The following LOXL2 variants were observed in gnomAD, a reference collection of about 807,000 sequenced individuals.
LOXL2 encodes the protein lysyl oxidase like 2.
Under a neutral mutation model 93.0 loss-of-function variants are expected in LOXL2, and 70 were observed. The ratio of observed to expected loss-of-function variants is 0.75; its 90% CI spans 0.62 to 0.92. LOXL2 has a LOEUF of 0.92. Ranked by LOEUF, LOXL2 falls within the 40% of genes least tolerant of loss-of-function variation. The pLI is 0.00. For missense variants in LOXL2, 973 were observed against 1,054.9 expected (o/e 0.92, Z 1.08); for synonymous variants, 438 against 413.2 (o/e 1.06, Z -0.73).
intron 1 of LOXL2, among the ~76,000 whole-genome samples, chr8:23,383,646 GTTTTTTTTTTGTTTTTTTTTT>G (rs1804711150): frequency 2.5e-5 from 3 of 117,656 alleles, no homozygotes; most frequent in Admixed American, 8.7e-5. Context: ...GCACTTTTAC[GTTTTTTTTTTGTTTTTTTTTT>G]TTTTTTTTTT....
chr8:23,365,208 A>T (rs1400709412), intron 2 of LOXL2: 2 of 152,388 alleles, frequency 1.3e-5, no homozygotes, highest in Admixed American at 6.5e-5. Flanking sequence ...CTGGAGGGGC[A>T]GTCTTATCCA....
chr8:23,354,949 ATTTTT>A lies in LOXL2; in HGVS notation c.531+5136_531+5140del, dbSNP rs60819350. 1.6e-3 allele frequency among the ~76,000 whole-genome samples: 123 copies of A among 77,664 alleles called. 1 individual carries two copies. Among genetic ancestry groups the A allele is most frequent in the African/African-American group, 4.9e-3 (93 of 18,988 alleles). The allele number at this position is 77,664 out of a possible 152,430, so 51.0% of individuals were successfully genotyped here. On this transcript the variant is annotated intron_variant, in intron 3 of 13. Coordinates refer to ENST00000389131, the MANE Select transcript of LOXL2 (RefSeq NM_002318.3). Reference sequence around the variant, plus strand: ...GGAGTTGGAATATATATATATATATATTTTTTTTTTTTTTTTTTTTTTTTTTTTGA... The same window carrying A: ...GGAGTTGGAATATATATATATATATATTTTTTTTTTTTTTTTTTTTTTTGA...
chr8:23,316,259 C>T (rs767976662), intron 9 of LOXL2, among the ~76,000 whole-genome samples: 17 of 152,220 alleles, frequency 1.1e-4, no homozygotes, highest in South Asian at 2.1e-4. Flanking sequence ...GAGGCTGACA[C>T]GCTTTTCCAA....
intron 1 of LOXL2, among the ~76,000 whole-genome samples, chr8:23,376,805 T>C (rs1365466065): frequency 6.6e-6 from 1 of 152,252 alleles, no homozygotes; most frequent in African/African-American, 2.4e-5. Flanking sequence ...TCATTTTTTA[T>C]TGCATTTGTT....
intron 10 of LOXL2, among the ~76,000 whole-genome samples, chr8:23,307,385 C>T (rs1303162499): frequency 6.6e-6 from 1 of 152,150 alleles, no homozygotes; most frequent in Non-Finnish European, 1.5e-5. Flanking sequence ...CCTTCCTTCC[C>T]TCCCATCCCC....
intron 12 of LOXL2, among the ~76,000 whole-genome samples, chr8:23,300,331 A>G (rs11990784): frequency 0.097 from 14,831 of 152,260 alleles, 1,230 homozygotes; most frequent in East Asian, 0.36. Flanking sequence ...AGGTTTCTGT[A>G]TGTCTGTGAA....
intron 1 of LOXL2, among the ~76,000 whole-genome samples, chr8:23,392,711 C>A (rs570457418): frequency 6.6e-6 from 1 of 152,124 alleles, no homozygotes; most frequent in African/African-American, 2.4e-5. Flanking sequence ...TGCTTTTACA[C>A]CCCCCTGCCC....
At chr8:23,336,969 C>T (rs942216732) in intron 4 of LOXL2, 1 of 152,196 alleles carries the variant, frequency 6.6e-6, no homozygotes, top group Non-Finnish European at 1.5e-5. Context: ...AGCTTCCAGT[C>T]TGATAAAACT....
At chr8:23,359,633 C>T (rs1804256545) in intron 3 of LOXL2, among the ~76,000 whole-genome samples, 1 of 152,220 alleles carries the variant, frequency 6.6e-6, no homozygotes, top group African/African-American at 2.4e-5. Flanking sequence ...ATTCCTGACT[C>T]TCACAAACTG....
intron 4 of LOXL2, among the ~76,000 whole-genome samples, chr8:23,339,638 G>A (rs1803848395): frequency 1.3e-5 from 2 of 152,210 alleles, no homozygotes; most frequent in South Asian, 4.1e-4. Flanking sequence ...AAGCCTGCCA[G>A]GGAGGGGGTT....
intron 13 of LOXL2, 45 bp downstream of exon 13, chr8:23,298,791 G>A (rs1227567894): frequency 8.1e-7 from 1 of 1,241,320 alleles, no homozygotes; most frequent in Non-Finnish European, 1.2e-6. Flanking sequence ...GAGAAAGTAG[G>A]GCAGCTCCCG....
chr8:23,338,175 G>A (rs1441899469), intron 4 of LOXL2, among the ~76,000 whole-genome samples: 2 of 152,214 alleles, frequency 1.3e-5, no homozygotes, highest in Non-Finnish European at 2.9e-5. Flanking sequence ...AGAACAGCAT[G>A]GGAAAAACCC....
Position 23,298,156 on chromosome 8 carries a change from A to G in LOXL2, c.2246-34T>C, listed in dbSNP as rs749613876. On this transcript the variant is annotated intron_variant, in intron 13 of 13. Transcript: ENST00000389131. ...CGAGAATCGGGTAGAGAGAGTGGAC[A>G]AATGAGATGCTCGGGCCTTGCCTGA... The G allele has an allele frequency of 1.4e-5, 22 of 1,548,226 alleles. No homozygotes were observed. The African/African-American group carries it at 2.9e-4, about 20-fold the overall frequency.
intron 3 of LOXL2, among the ~76,000 whole-genome samples, chr8:23,350,055 C>T (rs1046547575): frequency 1.3e-5 from 2 of 152,128 alleles, no homozygotes; most frequent in Non-Finnish European, 2.9e-5. Flanking sequence ...GTCCAGGCAT[C>T]CTTTTGTCAC....
Position 23,328,382 on chromosome 8 carries a change from C to T in LOXL2, c.1150G>A (p.Gly384Arg), listed in dbSNP as rs1331531315. 1.2e-6 allele frequency: 2 copies of T among 1,613,812 alleles called. No homozygotes were observed. Among genetic ancestry groups the T allele is most frequent in the African/African-American group, 1.3e-5 (1 of 74,938 alleles). ...EAVTGSRLGQ[G>R]IGPIHLNEIQ... Reference sequence around the variant, plus strand: ...CCCCTCTAGCCTCCCCATTCCTTACCTTGCCCCAGTCGGGAGCCAGTGACT... The same window carrying T: ...CCCCTCTAGCCTCCCCATTCCTTACTTTGCCCCAGTCGGGAGCCAGTGACT... The change falls in exon 6 of 14, where the codon GGG becomes AGG. Residue 384 changes from glycine (G) to arginine (R), a missense_variant and splice_region_variant. By Grantham distance (125) the Gly-to-Arg change is moderately radical. Transcript: ENST00000389131.
At chr8:23,345,390 C>G (rs1251024899) in intron 3 of LOXL2, among the ~76,000 whole-genome samples, 1 of 152,208 alleles carries the variant, frequency 6.6e-6, no homozygotes, top group Non-Finnish European at 1.5e-5. Flanking sequence ...GGTGCTGGTG[C>G]TGTGCACATT....
At chr8:23,373,017 T>C (rs1044174869) in intron 1 of LOXL2, among the ~76,000 whole-genome samples, 11 of 152,234 alleles carry the variant, frequency 7.2e-5, no homozygotes, top group African/African-American at 2.4e-4. Context: ...ATGCAGAATA[T>C]GTTGTTTGAC....
chr8:23,382,236 G>T (rs919768282), intron 1 of LOXL2, among the ~76,000 whole-genome samples: 4 of 152,118 alleles, frequency 2.6e-5, no homozygotes, highest in Non-Finnish European at 5.9e-5. Context: ...TGCAATCAGC[G>T]GCCAGGCACA....
chr8:23,339,319 G>GCACCACC (rs1195001134), intron 4 of LOXL2, among the ~76,000 whole-genome samples: 1 of 152,164 alleles, frequency 6.6e-6, no homozygotes. Flanking sequence ...CCTGCAGACA[G>GCACCACC]CACCACCCAC....
Sources: allele counts gnomAD v4.1 joint callset (sites outside exome capture counted in the v4.1 genomes callset), GRCh38; gene constraint gnomAD v4.1.1; transcripts MANE v1.5; gene names NCBI Gene and HGNC (gene_info 2026-07-23, HGNC 2026-07-21).